ZNF84: variants seen among roughly 807,000 people sequenced by gnomAD.
ZNF84 encodes the protein zinc finger protein HPF2.
Under a neutral mutation model 14.8 loss-of-function variants are expected in ZNF84, and 12 were observed. That is an observed-to-expected ratio of 0.81 (90% CI 0.52 to 1.31). ZNF84 has a LOEUF of 1.31. Ranked by LOEUF, ZNF84 falls within the 50% of genes most tolerant of loss-of-function variation. The pLI is 0.00. For missense variants in ZNF84, 859 were observed against 878.6 expected, an observed-to-expected ratio of 0.98 and a Z score of 0.28; for synonymous variants, 347 against 291.1, an observed-to-expected ratio of 1.19 and a Z score of -1.96.
intron 1 of ZNF84, among the ~76,000 whole-genome samples, chr12:133,040,262 A>G (rs1445006849): frequency 6.6e-6 from 1 of 152,090 alleles, no homozygotes; most frequent in Non-Finnish European, 1.5e-5. Context: ...TACCACGTAA[A>G]TACCAAAAGA....
rs1954207989 is a variant in ZNF84, at chr12:133,058,818, T to C, written c.2103T>C (p.His701=). ...CTCAGAAGTCACAGCTGGTTAATCA[T>C]CAGAGAATTCATACAGGAGAGAAGC... is the stretch of plus-strand genomic sequence containing the variant. The part of the protein sequence containing the change: ...AFSQKSQLVN[H]QRIHTGEKPY... Residue 701 remains histidine (H), a synonymous_variant, in exon 5 of 5, where the codon CAT becomes CAC. Coordinates refer to ENST00000539354, the MANE Select transcript of ZNF84 (RefSeq NM_001289971.2). 1.2e-6 allele frequency: 2 copies of C among 1,613,928 alleles called. No individual in the cohort carries two copies. Among genetic ancestry groups the C allele is most frequent in the Non-Finnish European group, 1.7e-6 (2 of 1,179,986 alleles).
chr12:133,058,639 C>G lies in ZNF84; in HGVS notation c.1924C>G (p.Leu642Val). Reference protein sequence around the residue: ...CRKAFREKSSLINHQRIHTGE... With the variant: ...CRKAFREKSSVINHQRIHTGE... ...AAAAGCCTTCAGGGAGAAGTCAAGT[C>G]TCATCAATCATCAGAGAATACATAC... Residue 642 changes from leucine to valine, a missense_variant, in exon 5 of 5, where the codon CTC becomes GTC. Transcript: ENST00000539354. 1 of 1,614,184 alleles carries G rather than the reference C, an allele frequency of 6.2e-7. No individual in the cohort carries two copies. The highest frequency in any genetic ancestry group is 2.2e-5 in the East Asian group (1 of 44,874).
chr12:133,048,779 A>C lies in ZNF84; in HGVS notation c.169A>C (p.Ile57Leu). The change falls in exon 4 of 5, where the codon ATC becomes CTC. Residue 57 changes from isoleucine (I) to leucine (L), a missense_variant. Physicochemically the swap from Ile to Leu is conservative, Grantham distance 5. Coordinates refer to ENST00000539354, the MANE Select transcript of ZNF84 (RefSeq NM_001289971.2). ...LGYEVMKPDV[I>L]FKLEQGEEPW... ...GTATGAAGTTATGAAACCAGATGTC[A>C]TCTTCAAATTGGAGCAAGGAGAAGA... 6.2e-7 allele frequency: 1 copy of C among 1,613,842 alleles called. No homozygotes were observed. The highest frequency in any genetic ancestry group is 8.5e-7 in the Non-Finnish European group (1 of 1,179,850).
intron 4 of ZNF84, among the ~76,000 whole-genome samples, chr12:133,054,071 T>G (rs1954112351): frequency 2.0e-5 from 3 of 152,150 alleles, no homozygotes; most frequent in African/African-American, 7.2e-5. Context: ...TATTGAAAAA[T>G]GGGCCCAGCA....
At chr12:133,049,394 T>A (rs1954037219) in intron 4 of ZNF84, among the ~76,000 whole-genome samples, 1 of 152,198 alleles carries the variant, frequency 6.6e-6, no homozygotes, top group Admixed American at 6.5e-5. Context: ...TCCCAATTTA[T>A]CCTTATCCTC....
chr12:133,058,960 G>C lies in ZNF84; in HGVS notation c.*28G>C. The C allele has an allele frequency of 6.5e-7, 1 of 1,539,074 alleles. No individual in the cohort carries two copies. The highest frequency in any genetic ancestry group is 1.2e-5 in the South Asian group (1 of 80,426). ...ATACAGTTAATAGTAGTCTTTGACA[G>C]ATCATCTTGGACTTCAGGAAATGCA... On this transcript the variant is annotated 3_prime_UTR_variant, in exon 5 of 5. Coordinates refer to ENST00000539354, the MANE Select transcript of ZNF84 (RefSeq NM_001289971.2).
chr12:133,038,818 A>G (rs1446702762), intron 1 of ZNF84: 1 of 152,152 alleles, frequency 6.6e-6, no homozygotes, highest in East Asian at 1.9e-4. Context: ...TATTTTGTCA[A>G]TTATGAGTCG....
At position 133,041,296 on chromosome 12, in the gene ZNF84, T is replaced by G; in HGVS notation, c.-172T>G. On this transcript the variant is annotated 5_prime_UTR_variant, in exon 2 of 5. Transcript: ENST00000539354. The stretch of plus-strand genomic sequence containing the variant: ...CCCGAAGTCCACAGATCCTGGTCCC[T>G]ACAAATAAGCCTGCTCATGTGAGAT... The G allele has an allele frequency of 1.5e-6, 1 of 646,286 alleles. No individual in the cohort carries two copies. Among genetic ancestry groups the G allele is most frequent in the Non-Finnish European group, 2.7e-6 (1 of 364,580 alleles). The allele number at this position is 646,286 out of a possible 1,614,324, so 40.0% of individuals were successfully genotyped here. A position where few individuals can be genotyped will look rare whatever the true frequency, so the allele number is the denominator to read the frequency against.
intron 2 of ZNF84, among the ~76,000 whole-genome samples, chr12:133,045,152 A>G (rs1206662497): frequency 1.3e-5 from 2 of 151,906 alleles, no homozygotes; most frequent in African/African-American, 4.8e-5. Flanking sequence ...TCCTCTTCCC[A>G]CCCCAGCCTA....
At chr12:133,045,809 T>C (rs957455224) in intron 2 of ZNF84, among the ~76,000 whole-genome samples, 4 of 152,178 alleles carry the variant, frequency 2.6e-5, no homozygotes, top group South Asian at 2.1e-4. Context: ...TTTGCCAGTT[T>C]TACAGAATAT....
At chr12:133,046,178 A>T (rs760519404) in intron 2 of ZNF84, among the ~76,000 whole-genome samples, 6 of 151,972 alleles carry the variant, frequency 3.9e-5, no homozygotes, top group Non-Finnish European at 5.9e-5. Flanking sequence ...GTTTGGTTCT[A>T]TCATTCCCTT....
rs1954204079 is a variant in ZNF84, at chr12:133,058,602, C to T, written c.1887C>T (p.Cys629=). The T allele has an allele frequency of 6.2e-7, 1 of 1,614,102 alleles. No individual in the cohort carries two copies. Among genetic ancestry groups the T allele is most frequent in the South Asian group, 1.1e-5 (1 of 91,082 alleles). Residue 629 remains cysteine, a synonymous_variant, in exon 5 of 5, where the codon TGC becomes TGT. Coordinates refer to ENST00000539354, the MANE Select transcript of ZNF84 (RefSeq NM_001289971.2). ...ATACAGGAGAAAAACCTTATGAATG[C>T]AATGAATGTAGAAAAGCCTTCAGGG... ...RTHTGEKPYE[C]NECRKAFREK...
In ZNF84 at chr12:133,041,313, A is replaced by G. The variant is rs1037749614; in HGVS notation, c.-155A>G. 2.8e-6 allele frequency: 2 copies of G among 718,830 alleles called. No homozygotes were observed. Among genetic ancestry groups the G allele is most frequent in the Middle Eastern group, 2.4e-4 (1 of 4,158 alleles). The allele number at this position is 718,830 out of a possible 1,614,324, so 44.5% of individuals were successfully genotyped here. A position where few individuals can be genotyped will look rare whatever the true frequency, so the allele number is the denominator to read the frequency against. ...CTGGTCCCTACAAATAAGCCTGCTC[A>G]TGTGAGATAAGAAAGGAGTTCCTGG... On this transcript the variant is annotated 5_prime_UTR_variant, in exon 2 of 5. An upstream start codon of the reference 5' UTR is lost. Transcript: ENST00000539354.
intron 4 of ZNF84, among the ~76,000 whole-genome samples, chr12:133,052,847 A>T (rs943465889): frequency 6.6e-6 from 1 of 152,224 alleles, no homozygotes; most frequent in Non-Finnish European, 1.5e-5. Context: ...TGAAATGAGC[A>T]TGGGGAAAAG....
chr12:133,051,112 G>GTTTTTT, intron 4 of ZNF84, among the ~76,000 whole-genome samples: 1 of 145,576 alleles, frequency 6.9e-6, no homozygotes. Flanking sequence ...TTGTTTTTTG[G>GTTTTTT]TTTTTTTTTT....
chr12:133,062,778 A>G lies in ZNF84; in HGVS notation c.*3846A>G, dbSNP rs747753639. ...AGGACTTTTGTATAAACCAATGCCT[A>G]TCTATCTATCATTTCTGAAAACTTT... On this transcript the variant is annotated 3_prime_UTR_variant, in exon 5 of 5. Coordinates refer to ENST00000539354, the MANE Select transcript of ZNF84 (RefSeq NM_001289971.2). 841 of 334,012 alleles carry G rather than the reference A, an allele frequency of 2.5e-3. 2 individuals carry two copies. Among genetic ancestry groups the G allele is most frequent in the Middle Eastern group, 4.8e-3 (5 of 1,046 alleles). The allele number at this position is 334,012 out of a possible 1,614,324, so 20.7% of individuals were successfully genotyped here. A position where few individuals can be genotyped will look rare whatever the true frequency, so the allele number is the denominator to read the frequency against.
chr12:133,063,075 G>A lies in ZNF84; in HGVS notation c.*4143G>A. The A allele has an allele frequency of 1.4e-6, 1 of 702,014 alleles. No individual in the cohort carries two copies. The highest frequency in any genetic ancestry group is 1.5e-5 in the South Asian group (1 of 67,584). The allele number at this position is 702,014 out of a possible 1,614,324, so 43.5% of individuals were successfully genotyped here. A position where few individuals can be genotyped will look rare whatever the true frequency, so the allele number is the denominator to read the frequency against. ...TCACAAGCTATATTTAAATGTGGGT[G>A]CAGTGAGTGGCTGTTTTCTGCCACA... is the stretch of plus-strand genomic sequence containing the variant. On this transcript the variant is annotated 3_prime_UTR_variant, in exon 5 of 5. Coordinates refer to ENST00000539354, the MANE Select transcript of ZNF84 (RefSeq NM_001289971.2).
chr12:133,058,570 A>G lies in ZNF84; in HGVS notation c.1855A>G (p.Arg619Gly), dbSNP rs1157397825. Reference sequence around the variant, plus strand: ...GAAGTCGGAGCTAATTAGACATCTGAGAACTCATACAGGAGAAAAACCTTA... The same window carrying G: ...GAAGTCGGAGCTAATTAGACATCTGGGAACTCATACAGGAGAAAAACCTTA... ...FEKSELIRHL[R>G]THTGEKPYEC... Residue 619 changes from arginine to glycine, a missense_variant, in exon 5 of 5, where the codon AGA (arginine) becomes GGA (glycine). Physicochemically the swap from Arg to Gly is moderately radical, Grantham distance 125. Coordinates refer to ENST00000539354, the MANE Select transcript of ZNF84 (RefSeq NM_001289971.2). 6 of 1,613,970 alleles carry G rather than the reference A, an allele frequency of 3.7e-6. No homozygotes were observed. Among genetic ancestry groups the G allele is most frequent in the African/African-American group, 1.3e-5 (1 of 74,922 alleles).
At chr12:133,055,262 T>G (rs1439570938) in intron 4 of ZNF84, among the ~76,000 whole-genome samples, 4 of 152,144 alleles carry the variant, frequency 2.6e-5, no homozygotes, top group African/African-American at 9.7e-5. Context: ...AGAGATGGAT[T>G]ACAAAAGTAA....
Sources: gnomAD v4.1 joint callset for allele counts (sites outside exome capture counted in the v4.1 genomes callset) on GRCh38, gnomAD v4.1.1 for gene constraint, MANE v1.5 for transcripts, NCBI Gene and HGNC (gene_info 2026-07-23, HGNC 2026-07-21) for gene names.